CHL1: variants seen among roughly 807,000 people sequenced by gnomAD.
CHL1 encodes the protein neural cell adhesion molecule L1-like protein.
CHL1 carries 96 observed loss-of-function variants against 141.9 expected under a neutral mutation model. The ratio of observed to expected loss-of-function variants is 0.68; its 90% CI spans 0.57 to 0.80. CHL1 has a LOEUF of 0.80. CHL1 is among the 30% of genes least tolerant of loss of function. The probability of loss-of-function intolerance (pLI) is 0.00; values close to 1 mark genes in which losing one functional copy is unlikely to be tolerated. For synonymous variants in CHL1, 613 were observed against 502.2 expected, an observed-to-expected ratio of 1.22 and a Z score of -2.95; for missense variants, 1,820 against 1,457.2, an observed-to-expected ratio of 1.25 and a Z score of -4.05.
intron 1 of CHL1, among the ~76,000 whole-genome samples, chr3:204,136 C>G (rs576027553): frequency 1.3e-5 from 2 of 152,190 alleles, no homozygotes; most frequent in Non-Finnish European, 2.9e-5. Context: ...TTGTCCATTT[C>G]ATTGCATTAT....
intron 5 of CHL1, among the ~76,000 whole-genome samples, chr3:332,678 A>C (rs1701534081): frequency 6.6e-6 from 1 of 152,176 alleles, no homozygotes. Flanking sequence ...TGTTCTCAGG[A>C]GTTTGGATTT....
At chr3:218,565 G>T (rs747197301) in intron 1 of CHL1, among the ~76,000 whole-genome samples, 1 of 152,096 alleles carries the variant, frequency 6.6e-6, no homozygotes, top group Non-Finnish European at 1.5e-5. Context: ...ACAAATTCCT[G>T]CCCTAAGTTT....
intron 2 of CHL1, among the ~76,000 whole-genome samples, chr3:276,949 C>G (rs985022891): frequency 2.0e-5 from 3 of 150,350 alleles, no homozygotes; most frequent in Non-Finnish European, 4.4e-5. Flanking sequence ...TATCCGGGTT[C>G]CATTCTAAAG....
chr3:329,072 C>G (rs1311087920), intron 5 of CHL1, among the ~76,000 whole-genome samples: 1 of 152,116 alleles, frequency 6.6e-6, no homozygotes. Flanking sequence ...CAGTAATCGT[C>G]CCCTGAAGTA....
At chr3:333,576 T>G (rs1167892590) in intron 5 of CHL1, among the ~76,000 whole-genome samples, 1 of 152,178 alleles carries the variant, frequency 6.6e-6, no homozygotes, top group African/African-American at 2.4e-5. Flanking sequence ...ACTATTTAAC[T>G]AAATGTATTA....
intron 15 of CHL1, among the ~76,000 whole-genome samples, chr3:374,436 C>G (rs2125344444): frequency 6.6e-6 from 1 of 152,254 alleles, no homozygotes; most frequent in East Asian, 1.9e-4. Context: ...CATGTGACCT[C>G]TGGGCTACAG....
At chr3:305,596 A>G (rs942496988) in intron 2 of CHL1, among the ~76,000 whole-genome samples, 7 of 151,884 alleles carry the variant, frequency 4.6e-5, no homozygotes, top group South Asian at 4.1e-4. Flanking sequence ...TTTGTTCTAT[A>G]GATAACACCC....
chr3:342,396 G>A (rs192087422), intron 7 of CHL1, among the ~76,000 whole-genome samples: 9 of 152,124 alleles, frequency 5.9e-5, no homozygotes, highest in Non-Finnish European at 1.5e-5. Flanking sequence ...CTTGGGCATC[G>A]ATTCACTGTG....
chr3:202,313 CGTAT>C (rs1250969150), intron 1 of CHL1, among the ~76,000 whole-genome samples: 1 of 152,056 alleles, frequency 6.6e-6, no homozygotes. Context: ...AGGGACAGAG[CGTAT>C]GTGTGTGTGT....
chr3:196,802 C>T lies in CHL1; in HGVS notation c.-436C>T, dbSNP rs1698363663. On this transcript the variant is annotated 5_prime_UTR_variant, in exon 1 of 28. Transcript: ENST00000256509. ...GGGAGCAGAGGCGAGAGCCAGCCTC[C>T]GGCAGGAGGGCGTAGACCCCGGTGC... 1 of 152,432 alleles carries T rather than the reference C, an allele frequency of 6.6e-6. No homozygotes were observed. Among genetic ancestry groups the T allele is most frequent in the Non-Finnish European group, 1.5e-5 (1 of 68,236 alleles). The allele number at this position is 152,432 out of a possible 1,614,324, so 9.4% of individuals were successfully genotyped here.
chr3:403,028 T>C (rs1051960190), intron 27 of CHL1, among the ~76,000 whole-genome samples: 6 of 152,348 alleles, frequency 3.9e-5, no homozygotes, highest in African/African-American at 1.2e-4. Context: ...CAGCAAGGTT[T>C]TGACCAGGGC....
intron 9 of CHL1, among the ~76,000 whole-genome samples, chr3:346,776 T>G (rs916630332): frequency 1.3e-5 from 2 of 152,168 alleles, no homozygotes; most frequent in African/African-American, 4.8e-5. Flanking sequence ...AAAAGTTTTT[T>G]GGGTCCTTTA....
At position 370,784 on chromosome 3, in the gene CHL1, C is replaced by T. The variant is rs189012742; in HGVS notation, c.1751+4669C>T. Among the ~76,000 whole-genome samples, 18 of 152,196 alleles carry T rather than the reference C, an allele frequency of 1.2e-4. No homozygotes were observed. The East Asian group carries it at 3.5e-3, about 29-fold the overall frequency. On this transcript the variant is annotated intron_variant, in intron 15 of 27. Coordinates refer to ENST00000256509, the MANE Select transcript of CHL1 (RefSeq NM_006614.4). ...CTCTTAACACTGCTTTAGCTGTGTC[C>T]CACAGACTCTGATACATTGTGTCTT...
intron 12 of CHL1, among the ~76,000 whole-genome samples, chr3:361,178 C>G (rs1704211312): frequency 6.6e-6 from 1 of 151,384 alleles, no homozygotes; most frequent in Non-Finnish European, 1.5e-5. Context: ...ATGTAGAAAG[C>G]TGAAACTGGA....
At chr3:373,067 G>A (rs1316011670) in intron 15 of CHL1, among the ~76,000 whole-genome samples, 1 of 152,204 alleles carries the variant, frequency 6.6e-6, no homozygotes, top group Non-Finnish European at 1.5e-5. Context: ...CCCTCTTGGA[G>A]GGTCTCACCC....
At chr3:305,250 C>A (rs1328100095) in intron 2 of CHL1, among the ~76,000 whole-genome samples, 2 of 152,056 alleles carry the variant, frequency 1.3e-5, no homozygotes, top group Non-Finnish European at 1.5e-5. Context: ...ATTTACAGAA[C>A]ACTTTGTCTT....
At chr3:280,874 C>CATA (rs1696578939) in intron 2 of CHL1, among the ~76,000 whole-genome samples, 1 of 151,410 alleles carries the variant, frequency 6.6e-6, no homozygotes, top group African/African-American at 2.4e-5. Context: ...TGTTAAAACA[C>CATA]GTAGACACAC....
At chr3:303,245 G>T (rs1381943013) in intron 2 of CHL1, among the ~76,000 whole-genome samples, 1 of 152,168 alleles carries the variant, frequency 6.6e-6, no homozygotes, top group Non-Finnish European at 1.5e-5. Context: ...GGTTCCATAT[G>T]AAGTTTAAAG....
intron 9 of CHL1, among the ~76,000 whole-genome samples, chr3:348,714 G>A (rs1053444931): frequency 6.6e-6 from 1 of 152,206 alleles, no homozygotes; most frequent in South Asian, 2.1e-4. Context: ...CGCTAAGCAA[G>A]GGAAGATTTG....
Sources: allele counts gnomAD v4.1 joint callset (sites outside exome capture counted in the v4.1 genomes callset), GRCh38; gene constraint gnomAD v4.1.1; transcripts MANE v1.5; gene names NCBI Gene and HGNC (gene_info 2026-07-23, HGNC 2026-07-21).